SHISA9: variants seen among roughly 807,000 people sequenced by gnomAD.
The protein encoded by SHISA9 is protein shisa-9.
A neutral mutation model predicts 38.0 loss-of-function variants in SHISA9; 13 were observed. That is an observed-to-expected ratio of 0.34 (90% CI 0.22 to 0.54). SHISA9 has a LOEUF of 0.54. Ranked by LOEUF, SHISA9 falls within the 20% of genes least tolerant of loss-of-function variation. The probability of loss-of-function intolerance (pLI) is 0.91; values close to 1 mark genes in which losing one functional copy is unlikely to be tolerated. For missense variants in SHISA9, 538 were observed against 575.8 expected, an observed-to-expected ratio of 0.93 and a Z score of 0.67; for synonymous variants, 275 against 242.0, an observed-to-expected ratio of 1.14 and a Z score of -1.27.
chr16:13,293,032 T>TC, the SHISA9 span, among the ~76,000 whole-genome samples: 2 of 151,988 alleles, frequency 1.3e-5, no homozygotes, highest in African/African-American at 4.8e-5. Context: ...AACCCAGGTT[T>TC]CCCCCCTGCA....
the SHISA9 span, among the ~76,000 whole-genome samples, chr16:13,546,031 A>G: frequency 1.3e-5 from 2 of 152,292 alleles, no homozygotes; most frequent in African/African-American, 4.8e-5. Flanking sequence ...CACCTGAATT[A>G]ACAATGTAGG....
chr16:13,264,536 A>T, the SHISA9 span, among the ~76,000 whole-genome samples: 2 of 152,140 alleles, frequency 1.3e-5, no homozygotes, highest in African/African-American at 4.8e-5. Context: ...TGACCTCAGG[A>T]TGAAGCATCC....
At chr16:13,158,576 G>A (rs2050567363) in intron 2 of SHISA9, among the ~76,000 whole-genome samples, 1 of 152,168 alleles carries the variant, frequency 6.6e-6, no homozygotes, top group Non-Finnish European at 1.5e-5. Context: ...TGGGCTACCA[G>A]CTCCCAATTC....
the SHISA9 span, among the ~76,000 whole-genome samples, chr16:13,533,137 C>G: frequency 6.6e-6 from 1 of 152,178 alleles, no homozygotes; most frequent in African/African-American, 2.4e-5. Context: ...GACATCTAAT[C>G]CATGGTCCCC....
chr16:13,301,522 AC>A, the SHISA9 span, among the ~76,000 whole-genome samples: 1 of 152,236 alleles, frequency 6.6e-6, no homozygotes, highest in Non-Finnish European at 1.5e-5. Flanking sequence ...TTGGTGATGC[AC>A]AGGTGAAGAT....
intron 2 of SHISA9, among the ~76,000 whole-genome samples, chr16:12,967,628 C>T (rs1567355565): frequency 6.6e-6 from 1 of 150,946 alleles, no homozygotes; most frequent in Non-Finnish European, 1.5e-5. Context: ...TATGGACATC[C>T]AAGGACAATG....
At chr16:13,016,197 C>G (rs1297482481) in intron 2 of SHISA9, among the ~76,000 whole-genome samples, 2 of 151,494 alleles carry the variant, frequency 1.3e-5, no homozygotes, top group East Asian at 3.9e-4. Flanking sequence ...CCAGGCTGGT[C>G]TTGAACTCCT....
the SHISA9 span, among the ~76,000 whole-genome samples, chr16:13,473,349 CTTTTTTTTTT>C: frequency 4.2e-4 from 31 of 73,904 alleles, no homozygotes; most frequent in African/African-American, 1.4e-3. Context: ...TTCTTTCTTT[CTTTTTTTTTT>C]TTTTTTTTTT....
Position 12,967,203 on chromosome 16 carries a change from TATAC to T in SHISA9, c.691+50389_691+50392del, listed in dbSNP as rs1159094069. On this transcript the variant is annotated intron_variant, in intron 2 of 4. Coordinates refer to ENST00000558583, the MANE Select transcript of SHISA9 (RefSeq NM_001145204.3). ...GACTGGATTAAGAAAATGTGGCACATATACGCCATGGAATACTATGCAGCCATAA... is the reference window on the plus strand; with the variant it reads ...GACTGGATTAAGAAAATGTGGCACATGCCATGGAATACTATGCAGCCATAA... Among the ~76,000 whole-genome samples, 190 of 152,208 alleles carry T rather than the reference TATAC, an allele frequency of 1.2e-3. 2 individuals are homozygous for T. The highest frequency in any genetic ancestry group is 4.3e-4 in the Non-Finnish European group (29 of 68,046).
chr16:13,118,969 T>C (rs1393955033), intron 2 of SHISA9, among the ~76,000 whole-genome samples: 1 of 152,020 alleles, frequency 6.6e-6, no homozygotes, highest in Non-Finnish European at 1.5e-5. Context: ...TGACCTCAGG[T>C]GATCCACTCA....
the SHISA9 span, among the ~76,000 whole-genome samples, chr16:13,247,680 CGTGCT>C: frequency 6.6e-6 from 1 of 152,210 alleles, no homozygotes; most frequent in Non-Finnish European, 1.5e-5. Context: ...AATCCTAACT[CGTGCT>C]GTGTTGTACA....
chr16:13,243,543 T>C (rs1218157906), downstream of SHISA9, among the ~76,000 whole-genome samples: 1 of 152,110 alleles, frequency 6.6e-6, no homozygotes, highest in Non-Finnish European at 1.5e-5. Flanking sequence ...AATGTTTGGG[T>C]TGATGCAAGA....
At chr16:13,114,889 A>T (rs946536383) in intron 2 of SHISA9, among the ~76,000 whole-genome samples, 8 of 142,982 alleles carry the variant, frequency 5.6e-5, no homozygotes, top group African/African-American at 2.1e-4. Context: ...CTAGCTAAGT[A>T]TTACATCTAA....
intron 2 of SHISA9, among the ~76,000 whole-genome samples, chr16:13,068,586 A>G (rs1339023360): frequency 6.6e-6 from 1 of 152,210 alleles, no homozygotes; most frequent in Admixed American, 6.5e-5. Context: ...ATTCCATCCT[A>G]GCAGCTCCGT....
At chr16:13,003,225 A>G (rs1485311809) in intron 2 of SHISA9, among the ~76,000 whole-genome samples, 2 of 152,170 alleles carry the variant, frequency 1.3e-5, no homozygotes, top group Non-Finnish European at 2.9e-5. Context: ...CGCCATGGGA[A>G]TGACTTGGGA....
the SHISA9 span, among the ~76,000 whole-genome samples, chr16:13,511,315 C>A: frequency 6.6e-6 from 1 of 151,986 alleles, no homozygotes; most frequent in Non-Finnish European, 1.5e-5. Context: ...GCGGAAATAC[C>A]CAGAGTGAAT....
intron 2 of SHISA9, among the ~76,000 whole-genome samples, chr16:12,938,494 C>G (rs275400): frequency 0.68 from 102,543 of 151,858 alleles, 34,863 homozygotes; most frequent in East Asian, 0.75. Flanking sequence ...AATTCTCTCT[C>G]TCTCTCTCTC....
chr16:13,105,931 A>G (rs2073921873), intron 2 of SHISA9, among the ~76,000 whole-genome samples: 2 of 152,142 alleles, frequency 1.3e-5, no homozygotes, highest in Admixed American at 6.5e-5. Flanking sequence ...TCATAGACAC[A>G]CTTTACTCTT....
At chr16:13,001,223 C>T (rs2072520567) in intron 2 of SHISA9, among the ~76,000 whole-genome samples, 1 of 152,180 alleles carries the variant, frequency 6.6e-6, no homozygotes, top group Non-Finnish European at 1.5e-5. Flanking sequence ...CCACCGTGCC[C>T]AGCCAGGTGA....
Sources: gnomAD v4.1 joint callset for allele counts (sites outside exome capture counted in the v4.1 genomes callset) on GRCh38, gnomAD v4.1.1 for gene constraint, MANE v1.5 for transcripts, NCBI Gene and HGNC (gene_info 2026-07-23, HGNC 2026-07-21) for gene names.